NCKAP5: variants seen among roughly 807,000 people sequenced by gnomAD.
NCKAP5 encodes the protein NCK associated protein 5.
Under a neutral mutation model 167.0 loss-of-function variants are expected in NCKAP5, and 92 were observed. That is an observed-to-expected ratio of 0.55 (90% CI 0.47 to 0.66). The LOEUF (loss-of-function observed/expected upper bound fraction) is 0.66, where lower values mean the gene tolerates loss of function less well. Ranked by LOEUF, NCKAP5 falls within the 30% of genes least tolerant of loss-of-function variation. NCKAP5 has a pLI of 0.00. For missense variants in NCKAP5, 2,378 were observed against 2,315.0 expected (o/e 1.03, Z -0.56); for synonymous variants, 891 against 877.4 (o/e 1.02, Z -0.27).
At chr2:133,413,302 G>A (rs1200753126) in intron 3 of NCKAP5, among the ~76,000 whole-genome samples, 1 of 152,236 alleles carries the variant, frequency 6.6e-6, no homozygotes, top group Non-Finnish European at 1.5e-5. Context: ...TCAGCTGTTA[G>A]GACCCAGAGG....
intron 8 of NCKAP5, among the ~76,000 whole-genome samples, chr2:132,902,292 G>A (rs1358354263): frequency 6.6e-6 from 1 of 152,160 alleles, no homozygotes; most frequent in East Asian, 1.9e-4. Context: ...AGACACCAAG[G>A]GAAAAGGGAA....
intron 3 of NCKAP5, among the ~76,000 whole-genome samples, chr2:133,462,765 T>C (rs901330740): frequency 2.6e-5 from 4 of 152,178 alleles, no homozygotes; most frequent in African/African-American, 7.2e-5. Flanking sequence ...TTAAACAGTA[T>C]TGCCAGTTGG....
At chr2:132,825,548 T>A (rs897189948) in intron 11 of NCKAP5, among the ~76,000 whole-genome samples, 1 of 152,206 alleles carries the variant, frequency 6.6e-6, no homozygotes, top group African/African-American at 2.4e-5. Context: ...ACAGGACTTT[T>A]CCATAAGGAC....
intron 4 of NCKAP5, among the ~76,000 whole-genome samples, chr2:133,221,071 G>A (rs570864744): frequency 3.3e-5 from 5 of 152,224 alleles, no homozygotes; most frequent in South Asian, 4.1e-4. Context: ...TCCAGCTCAC[G>A]TCAAGCAAAC....
At chr2:132,977,292 C>T (rs963067543) in intron 7 of NCKAP5, among the ~76,000 whole-genome samples, 1 of 152,156 alleles carries the variant, frequency 6.6e-6, no homozygotes, top group Admixed American at 6.5e-5. Flanking sequence ...GTACTTTCAA[C>T]AGAAAACATT....
chr2:133,335,703 C>T (rs1683167023), intron 3 of NCKAP5, among the ~76,000 whole-genome samples: 1 of 152,120 alleles, frequency 6.6e-6, no homozygotes, highest in African/African-American at 2.4e-5. Context: ...AAGCTGAGTT[C>T]AAATAATTAT....
chr2:133,611,245 C>A, the NCKAP5 span, among the ~76,000 whole-genome samples: 1 of 151,856 alleles, frequency 6.6e-6, no homozygotes, highest in South Asian at 2.1e-4. Flanking sequence ...TCAGAGACCA[C>A]CCCCACCCTC....
At chr2:133,038,491 G>A (rs2079108067) in intron 6 of NCKAP5, among the ~76,000 whole-genome samples, 1 of 152,088 alleles carries the variant, frequency 6.6e-6, no homozygotes, top group African/African-American at 2.4e-5. Context: ...CAGGGCATTG[G>A]GAGGGTGGGG....
At chr2:132,703,262 T>C (rs1367559016) in intron 19 of NCKAP5, among the ~76,000 whole-genome samples, 4 of 152,238 alleles carry the variant, frequency 2.6e-5, no homozygotes, top group Non-Finnish European at 5.9e-5. Context: ...ATAAATGACA[T>C]GCTCAAATAC....
chr2:133,538,485 T>C (rs1207708848), intron 2 of NCKAP5, among the ~76,000 whole-genome samples: 2 of 152,064 alleles, frequency 1.3e-5, no homozygotes, highest in Non-Finnish European at 2.9e-5. Context: ...AATAGTTGAG[T>C]TAGATATGCA....
chr2:133,065,711 T>C (rs112096386), intron 6 of NCKAP5, among the ~76,000 whole-genome samples: 1,980 of 152,266 alleles, frequency 0.013, 41 homozygotes, highest in African/African-American at 0.045. Context: ...TGGTTCACAC[T>C]CTACCAGCAG....
intron 11 of NCKAP5, among the ~76,000 whole-genome samples, chr2:132,848,463 A>G (rs991717406): frequency 6.6e-6 from 1 of 152,194 alleles, no homozygotes; most frequent in Non-Finnish European, 1.5e-5. Context: ...AACAATGTCA[A>G]ATGTAACAAT....
At chr2:132,690,903 G>A (rs1353222162) in intron 19 of NCKAP5, among the ~76,000 whole-genome samples, 1 of 151,988 alleles carries the variant, frequency 6.6e-6, no homozygotes, top group East Asian at 1.9e-4. Flanking sequence ...AGCTTCCATT[G>A]GACAGTCCAG....
intron 8 of NCKAP5, among the ~76,000 whole-genome samples, chr2:132,927,463 C>T (rs896316287): frequency 1.3e-4 from 20 of 151,988 alleles, no homozygotes; most frequent in African/African-American, 4.6e-4. Context: ...GCAGTATAGT[C>T]ATTTTAACAA....
At chr2:133,658,917 T>C in the NCKAP5 span, among the ~76,000 whole-genome samples, 17 of 152,100 alleles carry the variant, frequency 1.1e-4, no homozygotes, top group East Asian at 3.3e-3. Flanking sequence ...TGGTTTCTAT[T>C]GTGTTATGAG....
intron 6 of NCKAP5, among the ~76,000 whole-genome samples, chr2:133,049,159 TA>T (rs1340626249): frequency 6.6e-6 from 1 of 152,178 alleles, no homozygotes; most frequent in African/African-American, 2.4e-5. Flanking sequence ...AATGACTGTG[TA>T]ATCACTGTAC....
At chr2:132,939,819 G>A (rs1039366352) in intron 8 of NCKAP5, among the ~76,000 whole-genome samples, 33 of 152,028 alleles carry the variant, frequency 2.2e-4, no homozygotes, top group African/African-American at 8.0e-4. Flanking sequence ...GGTCAACATG[G>A]TGAAATCCTG....
At chr2:133,008,368 G>C (rs1181943158) in intron 6 of NCKAP5, among the ~76,000 whole-genome samples, 1 of 152,122 alleles carries the variant, frequency 6.6e-6, no homozygotes, top group Admixed American at 6.5e-5. Context: ...GAAATCTTCA[G>C]ACAGACACCT....
chr2:133,108,789 T>C (rs561726887), intron 6 of NCKAP5, among the ~76,000 whole-genome samples: 132 of 152,334 alleles, frequency 8.7e-4, no homozygotes, highest in Admixed American at 3.1e-3. Flanking sequence ...ATACAGTATA[T>C]GTCTTTCTGT....
Sources: gnomAD v4.1 joint callset for allele counts (sites outside exome capture counted in the v4.1 genomes callset) on GRCh38, gnomAD v4.1.1 for gene constraint, MANE v1.5 for transcripts, NCBI Gene and HGNC (gene_info 2026-07-23, HGNC 2026-07-21) for gene names.